HIP1: variants seen among roughly 807,000 people sequenced by gnomAD.
The protein encoded by HIP1 is huntingtin interacting protein 1.
HIP1 carries 65 observed loss-of-function variants against 147.6 expected under a neutral mutation model. The ratio of observed to expected loss-of-function variants is 0.44; its 90% CI spans 0.36 to 0.54. The LOEUF (loss-of-function observed/expected upper bound fraction) is 0.54, where lower values mean the gene tolerates loss of function less well. Ranked by LOEUF, HIP1 falls within the 20% of genes least tolerant of loss-of-function variation. The pLI is 0.00. For missense variants in HIP1, 1,061 were observed against 1,299.6 expected, an observed-to-expected ratio of 0.82 and a Z score of 2.82; for synonymous variants, 479 against 504.0, an observed-to-expected ratio of 0.95 and a Z score of 0.67.
At chr7:75,616,624 G>A (rs1797677713) in intron 1 of HIP1, among the ~76,000 whole-genome samples, 1 of 99,506 alleles carries the variant, frequency 1.0e-5, no homozygotes, top group East Asian at 2.1e-4. Flanking sequence ...AAGAGGAGGA[G>A]GACGAGGAGG....
chr7:75,637,563 T>TTTTTTTA (rs1584907476), intron 1 of HIP1, among the ~76,000 whole-genome samples: 2 of 116,004 alleles, frequency 1.7e-5, no homozygotes, highest in Non-Finnish European at 3.5e-5. Context: ...TTTTTTTTTT[T>TTTTTTTA]GAGAGGGAGT....
intron 1 of HIP1, among the ~76,000 whole-genome samples, chr7:75,692,921 T>C (rs1800509827): frequency 6.6e-6 from 1 of 151,816 alleles, no homozygotes; most frequent in African/African-American, 2.4e-5. Flanking sequence ...TCCCAGCACT[T>C]TGGGAGGCTG....
chr7:75,569,595 C>T (rs1016431113), intron 8 of HIP1, among the ~76,000 whole-genome samples: 3 of 151,968 alleles, frequency 2.0e-5, no homozygotes, highest in Admixed American at 1.3e-4. Context: ...GGTGACAGAG[C>T]GAGACCCTGT....
chr7:75,686,193 G>A (rs763036662), intron 1 of HIP1, among the ~76,000 whole-genome samples: 26 of 152,190 alleles, frequency 1.7e-4, no homozygotes, highest in Non-Finnish European at 3.8e-4. Flanking sequence ...CCCGGCCCCA[G>A]CCTGTGGCCT....
intron 1 of HIP1, among the ~76,000 whole-genome samples, chr7:75,640,752 CAAT>C (rs139850457): frequency 0.22 from 18,885 of 84,570 alleles, 1,260 homozygotes; most frequent in East Asian, 0.34. Flanking sequence ...GACTCCATCT[CAAT>C]AATAATAATA....
In HIP1 at chr7:75,652,404, T is replaced by C. The variant is rs116248697; in HGVS notation, c.121-53157A>G. Among the ~76,000 whole-genome samples the C allele has an allele frequency of 5.7e-3, 867 of 152,240 alleles. 9 individuals carry two copies. The highest frequency in any genetic ancestry group is 0.019 in the African/African-American group (784 of 41,556). On this transcript the variant is annotated intron_variant, in intron 1 of 30. Transcript: ENST00000336926. The stretch of plus-strand genomic sequence containing the variant: ...TTTTTTAAGAGATGGGGTGTTGCTC[T>C]GTCATCTGGAGTGCAGTGGTGCGAT...
intron 1 of HIP1, among the ~76,000 whole-genome samples, chr7:75,615,145 A>T (rs782030839): frequency 3.1e-4 from 47 of 152,264 alleles, no homozygotes; most frequent in Middle Eastern, 3.4e-3. Flanking sequence ...GCTCTTTGCC[A>T]TACAACCACA....
At chr7:75,562,230 G>T in intron 11 of HIP1, 60 bp from the exon 12 acceptor site, 1 of 1,072,544 alleles carries the variant, frequency 9.3e-7, no homozygotes. Flanking sequence ...CTGTGTGTGG[G>T]TCAGTTGAGT....
intron 1 of HIP1, among the ~76,000 whole-genome samples, chr7:75,671,775 A>C (rs59369324): frequency 0.56 from 85,495 of 151,436 alleles, 24,572 homozygotes; most frequent in African/African-American, 0.66. Context: ...GTCTCGCTCT[A>C]CCAGGCTGGA....
chr7:75,635,629 C>T (rs1206894891), intron 1 of HIP1, among the ~76,000 whole-genome samples: 2 of 149,806 alleles, frequency 1.3e-5, no homozygotes, highest in Non-Finnish European at 3.0e-5. Context: ...AGATTTACTA[C>T]TCCAGCTTCT....
At position 75,556,197 on chromosome 7, in the gene HIP1, G is replaced by C. The variant is rs201403171; in HGVS notation, c.1684-28C>G. Reference sequence around the variant, plus strand: ...GCAAAGGTGACCACAAGGAAAGAGGGAGACGCTGGTTGAGTTAAACAGTCC... The same window carrying C: ...GCAAAGGTGACCACAAGGAAAGAGGCAGACGCTGGTTGAGTTAAACAGTCC... On this transcript the variant is annotated intron_variant, in intron 17 of 30. Coordinates refer to ENST00000336926, the MANE Select transcript of HIP1 (RefSeq NM_005338.7). 8.6e-5 allele frequency: 139 copies of C among 1,611,418 alleles called. No individual in the cohort carries two copies. The East Asian group carries it at 2.6e-3, about 30-fold the overall frequency.
intron 1 of HIP1, among the ~76,000 whole-genome samples, chr7:75,666,479 T>G (rs1245370727): frequency 6.6e-6 from 1 of 152,178 alleles, no homozygotes; most frequent in East Asian, 1.9e-4. Context: ...CCATGCATTA[T>G]ATATTTAAAA....
chr7:75,694,916 G>GAAATTT (rs1563298475), intron 1 of HIP1, among the ~76,000 whole-genome samples: 17 of 151,194 alleles, frequency 1.1e-4, no homozygotes, highest in African/African-American at 3.6e-4. Context: ...CTGCATTCTG[G>GAAATTT]TGAGTTCTTT....
chr7:75,710,467 G>A (rs1358203387), intron 1 of HIP1, among the ~76,000 whole-genome samples: 1 of 152,106 alleles, frequency 6.6e-6, no homozygotes, highest in African/African-American at 2.4e-5. Flanking sequence ...CTGATCAATA[G>A]TTTTCTTGTA....
At position 75,559,806 on chromosome 7, in the gene HIP1, C is replaced by T. The variant is rs1225536289; in HGVS notation, c.1301G>A (p.Arg434Gln). 1.4e-5 allele frequency: 22 copies of T among 1,612,822 alleles called. No homozygotes were observed. The highest frequency in any genetic ancestry group is 4.5e-5 in the East Asian group (2 of 44,864). Residue 434 changes from arginine to glutamine, a missense_variant, in exon 14 of 31, where the codon CGG becomes CAG. Around this residue, in one of 3 missense-constraint regions of HIP1, gnomAD observed 810 missense variants for 946.8 expected, o/e 0.86. Transcript: ENST00000336926. ...CCTCCTGAGCTCGTCCAGTTCTGCC[C>T]GCAGGAATTCACAGTCGTCGGCCGC... ...QQAADDCEFL[R>Q]AELDELRRQR... is the part of the protein sequence containing the mutation.
Position 75,581,301 on chromosome 7 carries a change from G to A in HIP1, c.543-3C>T. Reference sequence around the variant, plus strand: ...ACATCTCCACTGTTAACTGGAAACTGGACCCAAGAGGAAAGAGAGCTTACA... The same window carrying A: ...ACATCTCCACTGTTAACTGGAAACTAGACCCAAGAGGAAAGAGAGCTTACA... On this transcript the variant is annotated splice_region_variant and splice_polypyrimidine_tract_variant and intron_variant, in intron 6 of 30. Transcript: ENST00000336926. The A allele has an allele frequency of 3.1e-6, 5 of 1,609,994 alleles. No homozygotes were observed. Among genetic ancestry groups the A allele is most frequent in the Non-Finnish European group, 4.2e-6 (5 of 1,177,660 alleles).
At chr7:75,702,446 G>A (rs1005721870) in intron 1 of HIP1, among the ~76,000 whole-genome samples, 2 of 152,258 alleles carry the variant, frequency 1.3e-5, no homozygotes, top group Non-Finnish European at 2.9e-5. Flanking sequence ...GTTTCACCAC[G>A]TTGGCCAGGC....
At chr7:75,664,599 GA>G (rs551378803) in intron 1 of HIP1, among the ~76,000 whole-genome samples, 15,788 of 130,942 alleles carry the variant, frequency 0.12, 1,107 homozygotes, top group East Asian at 0.19. Flanking sequence ...TGTATAGGGA[GA>G]GAGAGAGAGA....
intron 1 of HIP1, among the ~76,000 whole-genome samples, chr7:75,686,450 G>T (rs1278325575): frequency 6.6e-6 from 1 of 152,140 alleles, no homozygotes; most frequent in East Asian, 1.9e-4. Flanking sequence ...TCCCTGTGCA[G>T]AACCAGTTGC....
Sources: allele counts gnomAD v4.1 joint callset (sites outside exome capture counted in the v4.1 genomes callset), GRCh38; gene constraint gnomAD v4.1.1; regional missense constraint gnomAD v4.1.1; transcripts MANE v1.5; gene names NCBI Gene and HGNC (gene_info 2026-07-23, HGNC 2026-07-21).